Variants in MTUS1 observed in about 807,000 individuals in gnomAD.
MTUS1 encodes the protein microtubule associated scaffold protein 1, also known as microtubule-associated tumor suppressor 1.
MTUS1 carries 109 observed loss-of-function variants against 120.8 expected under a neutral mutation model. That is an observed-to-expected ratio of 0.90 (90% CI 0.77 to 1.06). MTUS1 has a LOEUF of 1.06. Among genes scored for constraint, MTUS1 ranks in the 50% least tolerant of loss-of-function variants. MTUS1 has a pLI of 0.00. For missense variants in MTUS1, 2,210 were observed against 1,486.3 expected (o/e 1.49, Z -8.01); for synonymous variants, 737 against 550.5 (o/e 1.34, Z -4.74).
chr8:17,698,938 T>G lies in MTUS1; in HGVS notation c.2623+14276A>C, dbSNP rs570908788. 1.4e-3 allele frequency among the ~76,000 whole-genome samples: 210 copies of G among 152,266 alleles called. 1 individual carries two copies. The highest frequency in any genetic ancestry group is 4.8e-3 in the African/African-American group (198 of 41,544). On this transcript the variant is annotated intron_variant, in intron 6 of 14. Coordinates refer to ENST00000693296, the MANE Select transcript of MTUS1 (RefSeq NM_001363059.2). ...GCCAGCTGCTTCTAGGTGTTGCCTT[T>G]TACTTCATCCCAGTTTATTATTAAA...
rs555878851 is a variant in MTUS1 at position 17,695,191 on chromosome 8, G to A, written c.2624-10649C>T. On this transcript the variant is annotated intron_variant, in intron 6 of 14. Transcript: ENST00000693296. ...ATAAGCCCATCAAAGACTGATATTG[G>A]GAGTAAGCAGAATTATATTCCTTAC... 3.9e-5 allele frequency among the ~76,000 whole-genome samples: 6 copies of A among 152,236 alleles called. No homozygotes were observed. The South Asian group carries it at 1.2e-3, about 32-fold the overall frequency.
chr8:17,770,764 A>G (rs1304054095), intron 1 of MTUS1, among the ~76,000 whole-genome samples: 2 of 152,232 alleles, frequency 1.3e-5, no homozygotes, highest in Non-Finnish European at 2.9e-5. Context: ...GAGGCTTTAC[A>G]GGCAGAAAAC....
chr8:17,647,254 A>C, intron 13 of MTUS1, 175 bp from the exon 14 acceptor site: 6 of 547,030 alleles, frequency 1.1e-5, no homozygotes, highest in East Asian at 6.2e-5. Flanking sequence ...AAACAGCAAA[A>C]CAGAGCGGCT....
chr8:17,758,167 A>T (rs901262775), intron 1 of MTUS1: 1 of 152,214 alleles, frequency 6.6e-6, no homozygotes, highest in South Asian at 2.1e-4. Flanking sequence ...TCATTTTTCT[A>T]TCTTGCAGCG....
chr8:17,724,557 T>G (rs961366465), intron 3 of MTUS1, among the ~76,000 whole-genome samples: 2 of 152,196 alleles, frequency 1.3e-5, no homozygotes, highest in Non-Finnish European at 2.9e-5. Flanking sequence ...TTAAATGATC[T>G]TCACTCCAAC....
chr8:17,698,141 A>C (rs1563222325), intron 6 of MTUS1, among the ~76,000 whole-genome samples: 1 of 152,234 alleles, frequency 6.6e-6, no homozygotes, highest in Non-Finnish European at 1.5e-5. Context: ...GTAAAAGATT[A>C]ATACGGTTTC....
chr8:17,687,299 C>T (rs925215574), intron 6 of MTUS1, among the ~76,000 whole-genome samples: 2 of 152,140 alleles, frequency 1.3e-5, no homozygotes, highest in African/African-American at 4.8e-5. Flanking sequence ...ATGCTTCCCA[C>T]TCTCAGCACT....
intron 1 of MTUS1, among the ~76,000 whole-genome samples, chr8:17,784,193 C>A (rs10092601): frequency 0.72 from 108,569 of 151,652 alleles, 40,593 homozygotes; most frequent in Non-Finnish European, 0.85. Flanking sequence ...TGTGGTTTAA[C>A]TGAATCCACA....
chr8:17,766,119 G>T lies in MTUS1; in HGVS notation c.-154-10158C>A, dbSNP rs1250509621. 2.6e-5 allele frequency among the ~76,000 whole-genome samples: 4 copies of T among 152,276 alleles called. No individual in the cohort carries two copies. The East Asian group carries it at 5.8e-4, about 22-fold the overall frequency. On this transcript the variant is annotated intron_variant, in intron 1 of 14. Transcript: ENST00000693296. ...TTAAGACTGGTTGACACTGGGTGCCGATTTAGTGAATTTTTGTCACCAAGT... is the reference window on the plus strand; with the variant it reads ...TTAAGACTGGTTGACACTGGGTGCCTATTTAGTGAATTTTTGTCACCAAGT...
chr8:17,673,666 G>T (rs1004136083), intron 8 of MTUS1, among the ~76,000 whole-genome samples: 1 of 152,084 alleles, frequency 6.6e-6, no homozygotes, highest in African/African-American at 2.4e-5. Context: ...TATTGCTCAA[G>T]CTGGTCTCAA....
intron 8 of MTUS1, among the ~76,000 whole-genome samples, chr8:17,665,267 G>C (rs368036397): frequency 1.3e-5 from 2 of 152,218 alleles, no homozygotes; most frequent in African/African-American, 4.8e-5. Flanking sequence ...AAATCACTAA[G>C]AGCTCATTTC....
chr8:17,747,776 G>A (rs2047882270), intron 2 of MTUS1, among the ~76,000 whole-genome samples: 2 of 152,116 alleles, frequency 1.3e-5, no homozygotes, highest in Non-Finnish European at 2.9e-5. Flanking sequence ...AGACGTACAT[G>A]AGACTGGGCA....
At chr8:17,674,712 A>G (rs1812728678) in intron 8 of MTUS1, 1 of 994,958 alleles carries the variant, frequency 1.0e-6, no homozygotes, top group Non-Finnish European at 1.2e-6. Flanking sequence ...TAAGATTAGC[A>G]TAGAACGTGC....
At chr8:17,698,000 C>G (rs900865456) in intron 6 of MTUS1, among the ~76,000 whole-genome samples, 1 of 151,704 alleles carries the variant, frequency 6.6e-6, no homozygotes, top group Non-Finnish European at 1.5e-5. Context: ...TTTTTAAAGA[C>G]TTCAGGCAAT....
intron 3 of MTUS1, among the ~76,000 whole-genome samples, chr8:17,730,744 TTC>T (rs1315804611): frequency 6.6e-6 from 1 of 152,220 alleles, no homozygotes; most frequent in Non-Finnish European, 1.5e-5. Flanking sequence ...TAATGTATGA[TTC>T]TCTTTCATGA....
chr8:17,701,967 G>T (rs1200181490), intron 6 of MTUS1, among the ~76,000 whole-genome samples: 1 of 152,094 alleles, frequency 6.6e-6, no homozygotes, highest in Non-Finnish European at 1.5e-5. Context: ...ATCTTTCCAT[G>T]GGATTAAATA....
Position 17,705,242 on chromosome 8 carries a change from C to A in MTUS1, c.2623+7972G>T, listed in dbSNP as rs536581980. ...CAAGCAATCCACCTGTCTTGGCCCC[C>A]CAAAGTGTTGGGATTACAGGCGTGA... On this transcript the variant is annotated intron_variant, in intron 6 of 14. Coordinates refer to ENST00000693296, the MANE Select transcript of MTUS1 (RefSeq NM_001363059.2). Among the ~76,000 whole-genome samples, 105 of 152,268 alleles carry A rather than the reference C, an allele frequency of 6.9e-4. 1 individual carries two copies. Among genetic ancestry groups the A allele is most frequent in the African/African-American group, 2.2e-3 (93 of 41,544 alleles).
At chr8:17,695,694 G>A (rs543053782) in intron 6 of MTUS1, among the ~76,000 whole-genome samples, 1 of 152,148 alleles carries the variant, frequency 6.6e-6, no homozygotes, top group South Asian at 2.1e-4. Flanking sequence ...GAATGTTACA[G>A]AACTATTTTT....
In MTUS1 at chr8:17,723,742, CGCA is replaced by C. The variant is rs1327236359; in HGVS notation, c.2376_2378del (p.Ala793del). 8 of 1,610,632 alleles carry C rather than the reference CGCA, an allele frequency of 5.0e-6. 1 individual carries two copies. The highest frequency in any genetic ancestry group is 6.8e-6 in the Non-Finnish European group (8 of 1,177,666). On this transcript the variant is annotated inframe_deletion, in exon 4 of 15. Transcript: ENST00000693296. The stretch of plus-strand genomic sequence containing the variant: ...AGGGGGTGCTTCCTGTCCTCCGCAG[CGCA>C]GGACTTTTCAAAGATGCTTTGGATT...
Sources: gnomAD v4.1 joint callset for allele counts (sites outside exome capture counted in the v4.1 genomes callset) on GRCh38, gnomAD v4.1.1 for gene constraint, MANE v1.5 for transcripts, NCBI Gene and HGNC (gene_info 2026-07-23, HGNC 2026-07-21) for gene names.